Variants in ADAMTSL1 observed in about 807,000 individuals in gnomAD.
ADAMTSL1 encodes ADAMTS like 1, also known as ADAMTS-like protein 1.
Under a neutral mutation model 201.8 loss-of-function variants are expected in ADAMTSL1, and 126 were observed. That is an observed-to-expected ratio of 0.62 (90% CI 0.54 to 0.72). The LOEUF is 0.72. Ranked by LOEUF, ADAMTSL1 falls within the 30% of genes least tolerant of loss-of-function variation. The probability of loss-of-function intolerance (pLI) is 0.00; values close to 1 mark genes in which losing one functional copy is unlikely to be tolerated. For synonymous variants in ADAMTSL1, 1,121 were observed against 903.4 expected (o/e 1.24, Z -4.32); for missense variants, 2,679 against 2,277.8 (o/e 1.18, Z -3.59).
intron 1 of ADAMTSL1, among the ~76,000 whole-genome samples, chr9:18,480,718 A>G (rs1821682106): frequency 6.6e-6 from 1 of 152,240 alleles, no homozygotes; most frequent in Non-Finnish European, 1.5e-5. Context: ...GGAAAAGAGA[A>G]CTAACAAGAT....
In ADAMTSL1 at chr9:18,655,238, G is replaced by T. The variant is rs540860840; in HGVS notation, c.835-2401G>T. Among the ~76,000 whole-genome samples, 51 of 152,286 alleles carry T rather than the reference G, an allele frequency of 3.3e-4. 1 individual carries two copies. In the South Asian group the frequency reaches 3.9e-3, roughly 12 times the overall value. On this transcript the variant is annotated intron_variant, in intron 7 of 28. Coordinates refer to ENST00000380548, the MANE Select transcript of ADAMTSL1 (RefSeq NM_001040272.6). ...TCCTTGAATTTTACATGGAATTAAA[G>T]CTCAACCATAACCCCCCATACACAT... is the stretch of plus-strand genomic sequence containing the variant.
At chr9:18,004,304 C>A (rs1290330526) in intron 1 of ADAMTSL1, among the ~76,000 whole-genome samples, 2 of 151,992 alleles carry the variant, frequency 1.3e-5, no homozygotes, top group Admixed American at 6.6e-5. Context: ...CTGAGGGATG[C>A]CATCTTCAGG....
chr9:18,220,598 G>A (rs1944763), intron 2 of ADAMTSL1, among the ~76,000 whole-genome samples: 150,669 of 152,196 alleles, frequency 0.99, 74,604 homozygotes, highest in East Asian at 1. Context: ...AACTTGTTGT[G>A]TAGTAGTTGT....
At chr9:18,482,822 T>G (rs1821795943) in intron 1 of ADAMTSL1, among the ~76,000 whole-genome samples, 1 of 152,216 alleles carries the variant, frequency 6.6e-6, no homozygotes, top group African/African-American at 2.4e-5. Flanking sequence ...TGTTCAGGTG[T>G]GCTTAAGTGA....
chr9:17,998,328 G>A (rs748266183), intron 1 of ADAMTSL1, among the ~76,000 whole-genome samples: 28 of 152,140 alleles, frequency 1.8e-4, no homozygotes, highest in Non-Finnish European at 3.2e-4. Context: ...AATATGGCAA[G>A]TGTACATGTA....
chr9:18,323,291 A>T (rs2132864385), intron 2 of ADAMTSL1, among the ~76,000 whole-genome samples: 1 of 152,332 alleles, frequency 6.6e-6, no homozygotes, highest in Middle Eastern at 3.4e-3. Flanking sequence ...AAAACTATAG[A>T]ATCAGCTCAA....
intron 1 of ADAMTSL1, among the ~76,000 whole-genome samples, chr9:18,042,846 T>C (rs1042197532): frequency 3.3e-5 from 5 of 151,984 alleles, no homozygotes; most frequent in Non-Finnish European, 7.4e-5. Context: ...AATGATGAGG[T>C]TGTGAGATGA....
chr9:17,934,241 T>A (rs1208019642), intron 1 of ADAMTSL1, among the ~76,000 whole-genome samples: 2 of 152,150 alleles, frequency 1.3e-5, no homozygotes, highest in East Asian at 3.9e-4. Flanking sequence ...AATTCCCCCA[T>A]AAACTCAGCT....
chr9:18,670,315 A>G (rs1397413805), intron 9 of ADAMTSL1, among the ~76,000 whole-genome samples: 1 of 152,242 alleles, frequency 6.6e-6, no homozygotes, highest in Non-Finnish European at 1.5e-5. Context: ...AAGAGAGAAG[A>G]GAAGATCTTG....
At chr9:18,049,611 T>A in intron 1 of ADAMTSL1, among the ~76,000 whole-genome samples, 1 of 147,690 alleles carries the variant, frequency 6.8e-6, no homozygotes, top group Non-Finnish European at 1.5e-5. Context: ...TGTCTTCGAC[T>A]TCTTATTCTT....
In ADAMTSL1 at chr9:18,188,492, A is replaced by G. The variant is rs898030479; in HGVS notation, c.207+24511A>G. ...TTGTCTTCAAATAGGTATACTCTAG[A>G]AGATGAATTTACTTTTACTAGATGA... On this transcript the variant is annotated intron_variant, in intron 2 of 29. Coordinates refer to the ADAMTSL1 transcript ENST00000680146. Among the ~76,000 whole-genome samples the G allele has an allele frequency of 2.6e-5, 4 of 152,172 alleles. No individual in the cohort carries two copies. The East Asian group carries it at 7.7e-4, about 29-fold the overall frequency.
At chr9:18,460,329 TC>T (rs1216809854) in intron 2 of ADAMTSL1, among the ~76,000 whole-genome samples, 1 of 152,166 alleles carries the variant, frequency 6.6e-6, no homozygotes, top group Non-Finnish European at 1.5e-5. Flanking sequence ...CACGGCGAAA[TC>T]CCTGTCTGTT....
rs1036251105 is a variant in ADAMTSL1 at position 18,315,021 on chromosome 9, C to T, written c.207+151040C>T. Among the ~76,000 whole-genome samples the T allele has an allele frequency of 2.6e-5, 4 of 151,422 alleles. No homozygotes were observed. The East Asian group carries it at 5.9e-4, about 22-fold the overall frequency. ...CCGTGTTAGCCAGGATGGTCTCGAT[C>T]TCCTGACCTCGTGATCCGCCCGCCT... On this transcript the variant is annotated intron_variant, in intron 2 of 29. Coordinates refer to the ADAMTSL1 transcript ENST00000680146.
At chr9:17,952,659 G>T (rs1469903349) in intron 1 of ADAMTSL1, among the ~76,000 whole-genome samples, 1 of 152,072 alleles carries the variant, frequency 6.6e-6, no homozygotes, top group Non-Finnish European at 1.5e-5. Context: ...GGGACCACAG[G>T]CACACACCAC....
chr9:18,617,187 T>C lies in ADAMTSL1; in HGVS notation c.475-5056T>C, dbSNP rs563493277. 2.6e-5 allele frequency among the ~76,000 whole-genome samples: 4 copies of C among 152,322 alleles called. No homozygotes were observed. In the South Asian group the frequency reaches 6.2e-4, roughly 24 times the overall value. On this transcript the variant is annotated intron_variant, in intron 4 of 28. Transcript: ENST00000380548. ...TGGGAAACCATTTGAAATGAAGCCA[T>C]TGTGAACCCATCCTAAGAATGTCAG... is the stretch of plus-strand genomic sequence containing the variant.
At chr9:18,473,869 C>G (rs1821317583), upstream of ADAMTSL1, 1 of 298,456 alleles carries the variant, frequency 3.4e-6, no homozygotes, top group Non-Finnish European at 6.3e-6. Context: ...TTGGCTTCAT[C>G]TTTTGCAATT....
At position 18,321,783 on chromosome 9, in the gene ADAMTSL1, A is replaced by T. The variant is rs145864592; in HGVS notation, c.207+157802A>T. 7.9e-4 allele frequency among the ~76,000 whole-genome samples: 120 copies of T among 152,268 alleles called. 1 individual carries two copies. The highest frequency in any genetic ancestry group is 2.8e-3 in the African/African-American group (116 of 41,546). ...ACTCCAGTCTGGGCAACAGAGCGAG[A>T]CTCCATGTCAAAAAAACCAAAACAA... On this transcript the variant is annotated intron_variant, in intron 2 of 29. Coordinates refer to the ADAMTSL1 transcript ENST00000680146.
rs746018341 is a variant in ADAMTSL1 at position 18,826,233 on chromosome 9, A to C, written c.3935-51A>C. ...CTATAAATGCCTCTGGGCTCACCTG[A>C]ATGTGTTTGACTGATGAGTGGGGTT... On this transcript the variant is annotated intron_variant, in intron 21 of 28. Transcript: ENST00000380548. The C allele has an allele frequency of 1.8e-5, 28 of 1,553,578 alleles. No homozygotes were observed. The African/African-American group carries it at 3.6e-4, about 20-fold the overall frequency.
rs148556923 is a variant in ADAMTSL1, at chr9:18,650,925, A to G, written c.835-6714A>G. Among the ~76,000 whole-genome samples, 919 of 152,284 alleles carry G rather than the reference A, an allele frequency of 6.0e-3. 6 individuals are homozygous for G. Among genetic ancestry groups the G allele is most frequent in the African/African-American group, 0.02 (848 of 41,548 alleles). On this transcript the variant is annotated intron_variant, in intron 7 of 28. Coordinates refer to ENST00000380548, the MANE Select transcript of ADAMTSL1 (RefSeq NM_001040272.6). ...ATAAAATACTCCCTACTCTTGAAGG[A>G]GCCTTTTTGAGGGATTAAATGAGAT...
Sources: allele counts gnomAD v4.1 joint callset (sites outside exome capture counted in the v4.1 genomes callset), GRCh38; gene constraint gnomAD v4.1.1; transcripts MANE v1.5; gene names NCBI Gene and HGNC (gene_info 2026-07-23, HGNC 2026-07-21).